The following LARP4 variants were observed in gnomAD, a reference collection of about 807,000 sequenced individuals.
LARP4 encodes the protein La ribonucleoprotein 4.
In LARP4, 29 loss-of-function variants were observed where a neutral mutation model predicts 92.9. That is an observed-to-expected ratio of 0.31 (90% CI 0.23 to 0.43). The LOEUF (loss-of-function observed/expected upper bound fraction) is 0.43, where lower values mean the gene tolerates loss of function less well. LARP4 is among the 20% of genes least tolerant of loss of function. The pLI is 1.00. For synonymous variants in LARP4, 279 were observed against 284.1 expected, an observed-to-expected ratio of 0.98 and a Z score of 0.18; for missense variants, 732 against 860.0, an observed-to-expected ratio of 0.85 and a Z score of 1.86.
At chr12:50,441,434 T>G (rs985822284) in intron 7 of LARP4, 156 bp from the exon 8 acceptor site, 3 of 500,250 alleles carry the variant, frequency 6.0e-6, no homozygotes, top group Middle Eastern at 5.1e-4. Flanking sequence ...GAGAAGGCGT[T>G]ACATTTTTAC....
chr12:50,430,209 A>G (rs1190320320), intron 3 of LARP4, among the ~76,000 whole-genome samples: 16 of 152,156 alleles, frequency 1.1e-4, no homozygotes, highest in African/African-American at 3.4e-4. Flanking sequence ...AAATAAAAAT[A>G]AAAAGTTAGC....
At chr12:50,447,571 ATTTAT>A (rs1277427825) in intron 8 of LARP4, among the ~76,000 whole-genome samples, 2 of 151,812 alleles carry the variant, frequency 1.3e-5, no homozygotes, top group Non-Finnish European at 2.9e-5. Flanking sequence ...CCCCAGTTTT[ATTTAT>A]TTTATTTTAT....
In LARP4 at chr12:50,440,442, G is replaced by T; in HGVS notation, c.643G>T (p.Val215Leu). 1 of 1,610,930 alleles carries T rather than the reference G, an allele frequency of 6.2e-7. No homozygotes were observed. The highest frequency in any genetic ancestry group is 1.1e-5 in the South Asian group (1 of 90,644). The change falls in exon 7 of 16, where the codon GTG becomes TTG. Residue 215 changes from valine (V) to leucine (L), a missense_variant. By Grantham distance (32) the Val-to-Leu change is conservative (BLOSUM62 1). Transcript: ENST00000398473. Reference sequence around the variant, plus strand: ...CTAATTTTCTTTTTCTTTTTAGGAAGTGAAAGGTTTGTTCAAAAGTGAAAA... The same window carrying T: ...CTAATTTTCTTTTTCTTTTTAGGAATTGAAAGGTTTGTTCAAAAGTGAAAA... ...EIPETTPIEE[V>L]KGLFKSENCP...
At chr12:50,433,546 CCTG>C (rs1042331068) in intron 4 of LARP4, among the ~76,000 whole-genome samples, 1 of 152,020 alleles carries the variant, frequency 6.6e-6, no homozygotes, top group Non-Finnish European at 1.5e-5. Flanking sequence ...TAAGAATAGA[CCTG>C]CTAAATTTCA....
chr12:50,479,931 ATTTG>A lies in LARP4; in HGVS notation c.*4071_*4074del, dbSNP rs1230384894. ...AAAATGAGTACATCCTTGTATTTGT[ATTTG>A]TTTTCAACATCGCCAAGGTGCTATG... On this transcript the variant is annotated 3_prime_UTR_variant, in exon 16 of 16. Coordinates refer to ENST00000398473, the MANE Select transcript of LARP4 (RefSeq NM_052879.5). 1 of 152,534 alleles carries A rather than the reference ATTTG, an allele frequency of 6.6e-6. No homozygotes were observed. Among genetic ancestry groups the A allele is most frequent in the Non-Finnish European group, 1.5e-5 (1 of 68,020 alleles). 9.4% of individuals were successfully genotyped at this position (152,534 alleles called of 1,614,324 possible). A position where few individuals can be genotyped will look rare whatever the true frequency, so the allele number is the denominator to read the frequency against.
intron 8 of LARP4, among the ~76,000 whole-genome samples, chr12:50,446,386 T>TCCCCCCC (rs1952109029): frequency 5.7e-4 from 3 of 5,240 alleles, no homozygotes; most frequent in Non-Finnish European, 8.1e-4. Flanking sequence ...TCTCTCTCTC[T>TCCCCCCC]CTCTCTCTCT....
intron 15 of LARP4, among the ~76,000 whole-genome samples, chr12:50,474,593 C>T (rs1159826921): frequency 2.0e-5 from 3 of 152,104 alleles, no homozygotes; most frequent in African/African-American, 7.2e-5. Context: ...GTGATCCACC[C>T]GCCTCGGCCT....
At position 50,428,959 on chromosome 12, in the gene LARP4, T is replaced by C. The variant is rs541317273; in HGVS notation, c.191T>C (p.Ile64Thr). The change falls in exon 3 of 16, where the codon ATA becomes ACA. Residue 64 changes from isoleucine to threonine, a missense_variant. Ile to Thr is a moderately conservative substitution (Grantham distance 89). Around this residue, in one of 7 missense-constraint regions of LARP4, gnomAD observed 236 missense variants for 307.6 expected, o/e 0.77. Transcript: ENST00000398473. The part of the protein sequence containing the change: ...PEGNAELSED[I>T]CKEYEVMYSS... ...GGTAATGCAGAGCTCTCAGAAGATA[T>C]ATGTAAAGAATATGAAGTAATGTAT... 318 of 1,599,418 alleles carry C rather than the reference T, an allele frequency of 2.0e-4. 2 individuals are homozygous for C. In the South Asian group the frequency reaches 3.2e-3, roughly 16 times the overall value.
chr12:50,467,987 A>AT (rs1956382525), intron 13 of LARP4, among the ~76,000 whole-genome samples: 1 of 149,308 alleles, frequency 6.7e-6, no homozygotes. Context: ...TTTTTATTTT[A>AT]TTTTTTCTTT....
At position 50,475,761 on chromosome 12, in the gene LARP4, A is replaced by T. The variant is rs201243004; in HGVS notation, c.2072A>T (p.Lys691Ile). 2.0e-5 allele frequency: 33 copies of T among 1,614,070 alleles called. No homozygotes were observed. The Middle Eastern group carries it at 4.9e-4, about 24-fold the overall frequency. Residue 691 changes from lysine (K) to isoleucine (I), a missense_variant, in exon 16 of 16, where the codon AAA (lysine) becomes ATA (isoleucine). Transcript: ENST00000398473. ...GNIIPRGAAG[K>I]IREQRRQFSH... The stretch of plus-strand genomic sequence containing the variant: ...ATAATCCCCAGGGGAGCAGCAGGAA[A>T]AATCAGGGAACAGAGACGCCAGTTT...
intron 1 of LARP4, among the ~76,000 whole-genome samples, chr12:50,426,684 G>GGGGTGTGTGTGTGT (rs774548049): frequency 4.4e-4 from 38 of 86,172 alleles, no homozygotes; most frequent in East Asian, 2.1e-3. Context: ...TTATGTTTGG[G>GGGGTGTGTGTGTGT]GTGTGTGTGT....
intron 13 of LARP4, 37 bp from the exon 14 acceptor site, chr12:50,473,378 G>T: frequency 1.3e-6 from 2 of 1,540,580 alleles, no homozygotes; most frequent in South Asian, 1.1e-5. Flanking sequence ...TTGGAAAAAG[G>T]TCTAAGTGTA....
intron 10 of LARP4, 92 bp from the exon 11 acceptor site, chr12:50,461,043 C>A: frequency 1.1e-6 from 1 of 947,898 alleles, no homozygotes; most frequent in Non-Finnish European, 1.7e-6. Context: ...TTTGAAAACC[C>A]CAGTACAACA....
intron 15 of LARP4, among the ~76,000 whole-genome samples, 183 bp from the exon 16 acceptor site, chr12:50,475,343 G>T (rs1175839322): frequency 6.6e-6 from 1 of 152,084 alleles, no homozygotes; most frequent in African/African-American, 2.4e-5. Context: ...AATTCCTTAC[G>T]TGAAATTATT....
At chr12:50,469,271 A>G (rs181886951) in intron 13 of LARP4, among the ~76,000 whole-genome samples, 1 of 152,030 alleles carries the variant, frequency 6.6e-6, no homozygotes, top group Non-Finnish European at 1.5e-5. Context: ...TTTTCCCCCC[A>G]TGTTTTATCA....
At chr12:50,401,412 C>G (rs939460005) in intron 1 of LARP4, 3 of 215,302 alleles carry the variant, frequency 1.4e-5, no homozygotes, top group Non-Finnish European at 2.8e-5. Context: ...CGAGCGCGGC[C>G]TCGCGGGGCC....
chr12:50,406,998 A>G (rs1944964342), intron 1 of LARP4, among the ~76,000 whole-genome samples: 1 of 151,018 alleles, frequency 6.6e-6, no homozygotes, highest in African/African-American at 2.4e-5. Context: ...TGCAGGCTTG[A>G]GCCACCGCGC....
chr12:50,407,762 G>A (rs1338033537), intron 1 of LARP4, among the ~76,000 whole-genome samples: 1 of 152,116 alleles, frequency 6.6e-6, no homozygotes, highest in Non-Finnish European at 1.5e-5. Context: ...AGCAGAGGTT[G>A]CAGTGAGCCG....
In LARP4 at chr12:50,475,597, G is replaced by A; in HGVS notation, c.1908G>A (p.Gln636=). The A allele has an allele frequency of 6.2e-7, 1 of 1,614,108 alleles. No homozygotes were observed. The highest frequency in any genetic ancestry group is 8.5e-7 in the Non-Finnish European group (1 of 1,180,016). The part of the protein sequence containing the change: ...PPKEPSSVLV[Q]PLRELRSNVV... The stretch of plus-strand genomic sequence containing the variant: ...AAGAGCCATCTTCAGTTCTTGTGCA[G>A]CCACTACGGGAACTTCGCTCCAATG... The change falls in exon 16 of 16, where the codon CAG becomes CAA. Residue 636 remains glutamine (Q), a synonymous_variant. Transcript: ENST00000398473.
Sources: allele counts gnomAD v4.1 joint callset (sites outside exome capture counted in the v4.1 genomes callset), GRCh38; gene constraint gnomAD v4.1.1; regional missense constraint gnomAD v4.1.1; transcripts MANE v1.5; gene names NCBI Gene and HGNC (gene_info 2026-07-23, HGNC 2026-07-21).